Variants in CLIC6 observed in about 807,000 individuals in gnomAD.
CLIC6 encodes CLIC family member 6.
A neutral mutation model predicts 49.2 loss-of-function variants in CLIC6; 39 were observed. The ratio of observed to expected loss-of-function variants is 0.79; its 90% CI spans 0.61 to 1.04. The LOEUF (loss-of-function observed/expected upper bound fraction) is 1.04. CLIC6 is among the 50% of genes least tolerant of loss of function. The probability of loss-of-function intolerance (pLI) is 0.00; values close to 1 mark genes in which losing one functional copy is unlikely to be tolerated. For missense variants in CLIC6, 988 were observed against 993.1 expected (o/e 0.99, Z 0.07); for synonymous variants, 446 against 433.4 (o/e 1.03, Z -0.36).
rs920082528 is a variant in CLIC6 at position 34,670,425 on chromosome 21, C to T, written c.1037C>T (p.Ala346Val). The T allele has an allele frequency of 9.6e-6, 14 of 1,459,824 alleles. No homozygotes were observed. Among genetic ancestry groups the T allele is most frequent in the South Asian group, 1.4e-5 (1 of 69,570 alleles). 90.4% of individuals were successfully genotyped at this position (1,459,824 alleles called of 1,614,324 possible). Residue 346 changes from alanine (A) to valine (V), a missense_variant, in exon 1 of 6, where the codon GCC becomes GTC. By Grantham distance (64) the Ala-to-Val change is moderately conservative. Coordinates refer to ENST00000349499, the MANE Select transcript of CLIC6 (RefSeq NM_053277.3). ...VPGVKGSEEAAPGDARADAGE... is the reference protein window; with the variant it reads ...VPGVKGSEEAVPGDARADAGE... ...GGGGTAAAGGGGTCCGAAGAAGCGG[C>T]CCCCGGGGACGCAAGGGCAGACGCT...
At chr21:34,694,726 A>C (rs905889206) in intron 1 of CLIC6, among the ~76,000 whole-genome samples, 1 of 152,272 alleles carries the variant, frequency 6.6e-6, no homozygotes, top group East Asian at 1.9e-4. Context: ...ACCCCATCTC[A>C]GGTAGTTCTG....
chr21:34,688,757 C>T (rs1989931639), intron 1 of CLIC6, among the ~76,000 whole-genome samples: 1 of 152,186 alleles, frequency 6.6e-6, no homozygotes, highest in South Asian at 2.1e-4. Context: ...TGCAATGAGA[C>T]TGATTTTCCT....
chr21:34,687,397 A>G (rs1367088496), intron 1 of CLIC6, among the ~76,000 whole-genome samples: 1 of 152,248 alleles, frequency 6.6e-6, no homozygotes, highest in Admixed American at 6.5e-5. Flanking sequence ...TGAGAATTTC[A>G]CAAGGAAATA....
At chr21:34,710,467 G>C (rs185489132) in intron 5 of CLIC6, among the ~76,000 whole-genome samples, 75 of 152,280 alleles carry the variant, frequency 4.9e-4, no homozygotes, top group Non-Finnish European at 6.0e-4. Context: ...TGCCAGACCC[G>C]TGGTTCTCCA....
chr21:34,694,655 C>T (rs1990061037), intron 1 of CLIC6, among the ~76,000 whole-genome samples: 1 of 152,164 alleles, frequency 6.6e-6, no homozygotes, highest in African/African-American at 2.4e-5. Context: ...GCCTCCCCAG[C>T]CATGCTTCCT....
chr21:34,701,407 G>A (rs1346037279), intron 1 of CLIC6, among the ~76,000 whole-genome samples: 2 of 151,586 alleles, frequency 1.3e-5, no homozygotes, highest in African/African-American at 4.9e-5. Flanking sequence ...AAGGCACCCT[G>A]CACTCCGTAA....
chr21:34,716,697 G>A lies in CLIC6; in HGVS notation c.*215G>A, dbSNP rs2056087221. The A allele has an allele frequency of 1.0e-5, 4 of 401,826 alleles. No homozygotes were observed. The highest frequency in any genetic ancestry group is 1.8e-5 in the Non-Finnish European group (4 of 226,244). The allele number at this position is 401,826 out of a possible 1,614,324, so 24.9% of individuals were successfully genotyped here. A position where few individuals can be genotyped will look rare whatever the true frequency, so the allele number is the denominator to read the frequency against. ...ATACTGCTTTGTAATTACAAAATGA[G>A]ACACACCTATCTTGATATTTTAAAG... On this transcript the variant is annotated 3_prime_UTR_variant, in exon 6 of 6. Coordinates refer to ENST00000349499, the MANE Select transcript of CLIC6 (RefSeq NM_053277.3).
chr21:34,688,295 C>T (rs1601270671), intron 1 of CLIC6, among the ~76,000 whole-genome samples: 3 of 152,298 alleles, frequency 2.0e-5, no homozygotes, highest in Non-Finnish European at 2.9e-5. Context: ...TTATTCGGCT[C>T]GGAGCCTTAT....
At chr21:34,694,353 C>T (rs1000176145) in intron 1 of CLIC6, among the ~76,000 whole-genome samples, 38 of 151,830 alleles carry the variant, frequency 2.5e-4, no homozygotes, top group Non-Finnish European at 7.4e-5. Flanking sequence ...GGCTGAAGTG[C>T]GGTAGTAGAG....
rs10657933 is a variant in CLIC6 at position 34,707,437 on chromosome 21, GCACACACA to G, written c.1484+74_1484+81del. The G allele has an allele frequency of 1.0e-3, 735 of 736,958 alleles. 1 individual carries two copies. Among genetic ancestry groups the G allele is most frequent in the Non-Finnish European group, 1.4e-3 (588 of 435,078 alleles). 45.7% of individuals were successfully genotyped at this position (736,958 alleles called of 1,614,324 possible). A position where few individuals can be genotyped will look rare whatever the true frequency, so the allele number is the denominator to read the frequency against. ...CTGAAATAACTGTACCTAGTTCTCT[GCACACACA>G]CACACACACACACACACACACACAC... On this transcript the variant is annotated intron_variant, in intron 2 of 5. Coordinates refer to ENST00000349499, the MANE Select transcript of CLIC6 (RefSeq NM_053277.3).
intron 4 of CLIC6, among the ~76,000 whole-genome samples, chr21:34,709,013 C>A (rs369892088): frequency 2.0e-5 from 3 of 152,204 alleles, no homozygotes; most frequent in Non-Finnish European, 4.4e-5. Flanking sequence ...CAGAAAACAA[C>A]ATTTTTAGGG....
rs2056090671 is a variant in CLIC6, at chr21:34,716,874, A to G, written c.*392A>G. 1 of 154,480 alleles carries G rather than the reference A, an allele frequency of 6.5e-6. No individual in the cohort carries two copies. The allele number at this position is 154,480 out of a possible 1,614,324, so 9.6% of individuals were successfully genotyped here. A position where few individuals can be genotyped will look rare whatever the true frequency, so the allele number is the denominator to read the frequency against. ...CTCTCTCTCTCTATCACACACACAC[A>G]CACACACACACACACACACACACAC... On this transcript the variant is annotated 3_prime_UTR_variant, in exon 6 of 6. Transcript: ENST00000349499.
In CLIC6 at chr21:34,709,362, GA is replaced by G; in HGVS notation, c.1727del (p.Lys576ArgfsTer4). ...TTCTTGCCCTTCTGTTTTAGTTCAT[GA>G]AAAGAACCTGCTGAAGGCCCTGAGG... The part of the protein sequence containing the change: ...NTKKDANEIH[E>X]KNLLKALRKL... On this transcript the variant is annotated frameshift_variant, in exon 5 of 6. Transcript: ENST00000349499. LOFTEE classifies it high-confidence loss of function. 1 of 1,612,404 alleles carries G rather than the reference GA, an allele frequency of 6.2e-7. No individual in the cohort carries two copies. The highest frequency in any genetic ancestry group is 8.5e-7 in the Non-Finnish European group (1 of 1,179,366).
At chr21:34,682,256 C>G (rs1371025278) in intron 1 of CLIC6, among the ~76,000 whole-genome samples, 1 of 152,116 alleles carries the variant, frequency 6.6e-6, no homozygotes, top group African/African-American at 2.4e-5. Flanking sequence ...GAGGTGATAC[C>G]ATGTAATGCT....
chr21:34,706,057 A>C (rs961772536), intron 1 of CLIC6: 5 of 688,780 alleles, frequency 7.3e-6, no homozygotes, highest in Non-Finnish European at 1.3e-5. Flanking sequence ...CTGTTCTCGC[A>C]TTGCTATAAA....
intron 1 of CLIC6, among the ~76,000 whole-genome samples, chr21:34,691,315 G>C (rs538524249): frequency 6.7e-6 from 1 of 150,030 alleles, no homozygotes; most frequent in African/African-American, 2.5e-5. Flanking sequence ...CTAATAAAAT[G>C]TTGTGATTTC....
intron 1 of CLIC6, among the ~76,000 whole-genome samples, chr21:34,703,964 A>G (rs534093914): frequency 6.6e-6 from 1 of 152,358 alleles, no homozygotes; most frequent in Admixed American, 6.5e-5. Context: ...GCTGGAAACA[A>G]GACACTCTAC....
chr21:34,688,571 A>G lies in CLIC6; in HGVS notation c.1374+17809A>G, dbSNP rs570814506. The stretch of plus-strand genomic sequence containing the variant: ...GCTTGACGCCTGCTCCACCTCAGGT[A>G]GCTCCATCTTGCGCCTAACCAAGAG... On this transcript the variant is annotated intron_variant, in intron 1 of 5. Transcript: ENST00000349499. Among the ~76,000 whole-genome samples, 4 of 152,320 alleles carry G rather than the reference A, an allele frequency of 2.6e-5. No individual in the cohort carries two copies. In the East Asian group the frequency reaches 5.8e-4, roughly 22 times the overall value.
At chr21:34,702,281 C>G (rs1314811107) in intron 1 of CLIC6, among the ~76,000 whole-genome samples, 1 of 152,166 alleles carries the variant, frequency 6.6e-6, no homozygotes, top group East Asian at 1.9e-4. Flanking sequence ...GAAACCTGCC[C>G]GTGTCCCAGG....
Sources: gnomAD v4.1 joint callset for allele counts (sites outside exome capture counted in the v4.1 genomes callset) on GRCh38, gnomAD v4.1.1 for gene constraint, MANE v1.5 for transcripts, NCBI Gene and HGNC (gene_info 2026-07-23, HGNC 2026-07-21) for gene names.